TRIO: variants seen among roughly 807,000 people sequenced by gnomAD.
The protein encoded by TRIO is trio Rho guanine nucleotide exchange factor.
Under a neutral mutation model 351.9 loss-of-function variants are expected in TRIO, and 58 were observed. The ratio of observed to expected loss-of-function variants is 0.16; its 90% CI spans 0.13 to 0.21. The LOEUF (loss-of-function observed/expected upper bound fraction) is 0.21, where lower values mean the gene tolerates loss of function less well. Ranked by LOEUF, TRIO falls within the 10% of genes least tolerant of loss-of-function variation. The pLI is 1.00. For missense variants in TRIO, 3,201 were observed against 4,027.8 expected (o/e 0.79, Z 5.56); for synonymous variants, 1,758 against 1,595.7 (o/e 1.10, Z -2.42).
At chr5:14,366,805 C>A (rs1183282467) in intron 15 of TRIO, 55 bp from the exon 16 acceptor site, 2 of 1,610,024 alleles carry the variant, frequency 1.2e-6, no homozygotes, top group Non-Finnish European at 1.7e-6. Flanking sequence ...CCCTGGTGGT[C>A]CACAGGATTC....
chr5:14,371,683 C>T (rs1000532450), intron 18 of TRIO, among the ~76,000 whole-genome samples: 4 of 151,110 alleles, frequency 2.6e-5, no homozygotes, highest in African/African-American at 9.7e-5. Context: ...CCTTGTCAAC[C>T]AAGCTGGAGT....
chr5:14,260,208 CGATA>C (rs924124208), intron 1 of TRIO, among the ~76,000 whole-genome samples: 1 of 152,026 alleles, frequency 6.6e-6, no homozygotes, highest in Non-Finnish European at 1.5e-5. Flanking sequence ...TTAGTGTCAG[CGATA>C]GATACAGCAT....
At chr5:14,172,929 C>T (rs1053471621) in intron 1 of TRIO, among the ~76,000 whole-genome samples, 4 of 152,148 alleles carry the variant, frequency 2.6e-5, no homozygotes, top group Non-Finnish European at 4.4e-5. Flanking sequence ...GAAAGATCAG[C>T]GGTGGAGCGA....
rs957564804 is a variant in TRIO at position 14,350,602 on chromosome 5, C to T, written c.2047-7576C>T. 3.3e-5 allele frequency among the ~76,000 whole-genome samples: 5 copies of T among 152,278 alleles called. No individual in the cohort carries two copies. In the East Asian group the frequency reaches 9.7e-4, roughly 29 times the overall value. The stretch of plus-strand genomic sequence containing the variant: ...CGCACCTCTGCAGGGCATCTACCCT[C>T]TGGTGCTGGAGTGTCCACGCACTGT... On this transcript the variant is annotated intron_variant, in intron 11 of 56. Transcript: ENST00000344204.
intron 1 of TRIO, among the ~76,000 whole-genome samples, chr5:14,145,470 T>C (rs1477957259): frequency 1.3e-5 from 2 of 149,368 alleles, no homozygotes; most frequent in African/African-American, 5.0e-5. Flanking sequence ...TAGGAAAACA[T>C]GAGCTCCTTC....
intron 1 of TRIO, among the ~76,000 whole-genome samples, chr5:14,173,774 A>G (rs768895213): frequency 3.3e-5 from 5 of 152,216 alleles, no homozygotes; most frequent in Non-Finnish European, 7.3e-5. Flanking sequence ...ATGTTTGCTT[A>G]TTGCTAATTA....
chr5:14,320,826 A>G (rs1013892687), intron 9 of TRIO, among the ~76,000 whole-genome samples: 12 of 152,212 alleles, frequency 7.9e-5, no homozygotes, highest in African/African-American at 2.9e-4. Flanking sequence ...TGACTGTGCC[A>G]GGCTCATCTG....
intron 1 of TRIO, among the ~76,000 whole-genome samples, chr5:14,185,862 G>T (rs1267954880): frequency 6.6e-6 from 1 of 152,200 alleles, no homozygotes; most frequent in East Asian, 1.9e-4. Flanking sequence ...GGGGTGGGGT[G>T]AGGAGTGTGG....
chr5:14,318,134 A>G (rs1210740395), intron 9 of TRIO, among the ~76,000 whole-genome samples: 2 of 149,994 alleles, frequency 1.3e-5, no homozygotes, highest in Non-Finnish European at 3.0e-5. Flanking sequence ...TCTCAAAGAA[A>G]AAAAAAAAAA....
At chr5:14,420,695 G>A (rs1388121928) in intron 34 of TRIO, 2 of 152,802 alleles carry the variant, frequency 1.3e-5, no homozygotes, top group Non-Finnish European at 2.9e-5. Context: ...TCTGAGCCAT[G>A]CTGGCTTTTA....
chr5:14,387,278 G>C lies in TRIO; in HGVS notation c.3571-160G>C, dbSNP rs72748234. On this transcript the variant is annotated intron_variant, in intron 21 of 56. Transcript: ENST00000344204. ...AGGAGAGATAGCTGGTCAGGAATCC[G>C]GGAGATGGAGTGGGTGGACCTGGGG... 7,955 of 602,586 alleles carry C rather than the reference G, an allele frequency of 0.013. 94 individuals carry two copies. Among genetic ancestry groups the C allele is most frequent in the Non-Finnish European group, 0.018 (6,192 of 348,138 alleles). The allele number at this position is 602,586 out of a possible 1,614,324, so 37.3% of individuals were successfully genotyped here.
chr5:14,247,432 G>T (rs149774046), intron 1 of TRIO, among the ~76,000 whole-genome samples: 1 of 152,184 alleles, frequency 6.6e-6, no homozygotes, highest in Non-Finnish European at 1.5e-5. Flanking sequence ...TTACTAATTC[G>T]TATATCCTAT....
intron 19 of TRIO, among the ~76,000 whole-genome samples, chr5:14,377,525 C>T (rs1745669562): frequency 6.6e-6 from 1 of 152,198 alleles, no homozygotes. Context: ...ACTGGGATTA[C>T]AGGCGTGAGC....
rs575501162 is a variant in TRIO, at chr5:14,287,252, G to A, written c.540+189G>A. On this transcript the variant is annotated intron_variant, in intron 4 of 56. Coordinates refer to ENST00000344204, the MANE Select transcript of TRIO (RefSeq NM_007118.4). ...GCTGCGTTCATCATCCGAGTGGATT[G>A]TTTTACCCACATGGGCTTAGGTTTC... 3.0e-5 allele frequency: 19 copies of A among 642,944 alleles called. No homozygotes were observed. The East Asian group carries it at 5.5e-4, about 19-fold the overall frequency. The allele number at this position is 642,944 out of a possible 1,614,324, so 39.8% of individuals were successfully genotyped here.
chr5:14,485,084 C>A lies in TRIO; in HGVS notation c.6673C>A (p.Leu2225Met). ...KNSIKVSCLC[L>M]EENVENDPCK... ...TTTTTTTAAGGTGAGTTGCCTTTGC[C>A]TGGAGGAAAATGTGGAAAATGATCC... Residue 2225 changes from leucine to methionine, a missense_variant, in exon 47 of 57, where the codon CTG becomes ATG. Leu to Met is a conservative substitution (Grantham distance 15). This residue lies in a region of TRIO where 1,089 missense variants were observed against 954.9 expected (regional missense o/e 1.14). Coordinates refer to ENST00000344204, the MANE Select transcript of TRIO (RefSeq NM_007118.4). The A allele has an allele frequency of 6.5e-7, 1 of 1,536,336 alleles. No homozygotes were observed. Among genetic ancestry groups the A allele is most frequent in the Admixed American group, 1.9e-5 (1 of 51,916 alleles).
rs1757531096 is a variant in TRIO at position 14,504,580 on chromosome 5, C to T, written c.8599C>T (p.Leu2867=). The stretch of plus-strand genomic sequence containing the variant: ...CTTTGAGACCCCCACCAGCTACATC[C>T]TGGTCTTAGAAATGTGCGTACACAC... The part of the protein sequence containing the change: ...DTFETPTSYI[L]VLEMADQGRL... The change falls in exon 55 of 57, where the codon CTG becomes TTG. Residue 2867 remains leucine, a synonymous_variant. Transcript: ENST00000344204. The T allele has an allele frequency of 6.2e-7, 1 of 1,614,144 alleles. No homozygotes were observed. Among genetic ancestry groups the T allele is most frequent in the Non-Finnish European group, 8.5e-7 (1 of 1,180,024 alleles).
chr5:14,309,606 C>G (rs477437), intron 8 of TRIO, among the ~76,000 whole-genome samples: 1,936 of 152,336 alleles, frequency 0.013, 41 homozygotes, highest in African/African-American at 0.044. Context: ...GAGGCCTTCC[C>G]TAGTTCTGCA....
chr5:14,390,879 TC>T (rs758527970), intron 26 of TRIO, 21 bp from the exon 27 acceptor site: 1 of 1,543,748 alleles, frequency 6.5e-7, no homozygotes, highest in Admixed American at 1.9e-5. Context: ...TTAAATGAGA[TC>T]TTTTTTTTTT....
In TRIO at chr5:14,394,118, G is replaced by A. The variant is rs1747352407; in HGVS notation, c.4299G>A (p.Gln1433=). The change falls in exon 28 of 57, where the codon CAG becomes CAA. Residue 1433 remains glutamine (Q), a synonymous_variant. Coordinates refer to ENST00000344204, the MANE Select transcript of TRIO (RefSeq NM_007118.4). ...IKPVQRITKY[Q]LLLKELLTCC... ...CAGTTCAGCGAATAACGAAGTATCA[G>A]CTCCTTTTAAAAGTATGTATAATGC... is the stretch of plus-strand genomic sequence containing the variant. 6.2e-7 allele frequency: 1 copy of A among 1,610,248 alleles called. No homozygotes were observed. Among genetic ancestry groups the A allele is most frequent in the East Asian group, 2.2e-5 (1 of 44,804 alleles).
Sources: gnomAD v4.1 joint callset for allele counts (sites outside exome capture counted in the v4.1 genomes callset) on GRCh38, gnomAD v4.1.1 for gene constraint, gnomAD v4.1.1 regional missense constraint, MANE v1.5 for transcripts, NCBI Gene and HGNC (gene_info 2026-07-23, HGNC 2026-07-21) for gene names.